The following CPSF7 variants were observed in gnomAD, a reference collection of about 807,000 sequenced individuals.
CPSF7 encodes the protein cleavage and polyadenylation specific factor 7, also known as cleavage and polyadenylation specificity factor subunit 7.
In CPSF7, 1 loss-of-function variant was observed where a neutral mutation model predicts 44.3. The observed-to-expected ratio is 0.02, with a 90% CI of 0.01 to 0.11. CPSF7 has a LOEUF of 0.11. Ranked by LOEUF, CPSF7 falls within the 10% of genes least tolerant of loss-of-function variation. The pLI is 1.00. For missense variants in CPSF7, 443 were observed against 607.2 expected (o/e 0.73, Z 2.84); for synonymous variants, 202 against 222.0 (o/e 0.91, Z 0.80).
intron 9 of CPSF7, 84 bp downstream of exon 9, chr11:61,410,854 T>A: frequency 7.2e-7 from 1 of 1,385,688 alleles, no homozygotes; most frequent in Admixed American, 2.5e-5. Context: ...CATTTACTTT[T>A]GCTTTAAAGA....
chr11:61,429,319 A>T, intron 1 of CPSF7, 29 bp from the exon 2 acceptor site: 1 of 1,322,382 alleles, frequency 7.6e-7, no homozygotes, highest in Middle Eastern at 1.8e-4. Flanking sequence ...TGCAAGAATT[A>T]GAAGGCACGA....
intron 8 of CPSF7, 79 bp downstream of exon 8, chr11:61,411,690 G>C (rs529530239): frequency 7.5e-7 from 1 of 1,329,224 alleles, no homozygotes; most frequent in African/African-American, 1.4e-5. Flanking sequence ...AGATTCCCTG[G>C]GCTCCATTTG....
chr11:61,427,842 AT>A (rs1292941742), intron 2 of CPSF7, among the ~76,000 whole-genome samples: 1 of 152,220 alleles, frequency 6.6e-6, no homozygotes, highest in Non-Finnish European at 1.5e-5. Context: ...TTTCCATGTT[AT>A]AAAACCATAA....
intron 1 of CPSF7, chr11:61,429,623 C>T (rs1232050492): frequency 3.0e-6 from 3 of 992,402 alleles, no homozygotes; most frequent in Non-Finnish European, 4.4e-6. Context: ...AGCCCCTATC[C>T]GCTGCACCTG....
chr11:61,428,997 G>A (rs1287282442), intron 2 of CPSF7, 185 bp downstream of exon 2: 3 of 444,090 alleles, frequency 6.8e-6, no homozygotes, highest in Non-Finnish European at 1.2e-5. Context: ...ATTAAGCCTG[G>A]AGCTTCAAAT....
At chr11:61,412,531 C>T (rs1188482950) in intron 7 of CPSF7, among the ~76,000 whole-genome samples, 3 of 152,158 alleles carry the variant, frequency 2.0e-5, no homozygotes, top group Admixed American at 6.5e-5. Flanking sequence ...CCCTGTGATC[C>T]GCCCGCCTTG....
chr11:61,416,517 T>C lies in CPSF7; in HGVS notation c.526A>G (p.Ile176Val). Reference protein sequence around the residue: ...SQFEAQARKRIPPRAHSRDSS... With the variant: ...SQFEAQARKRVPPRAHSRDSS... ...TCTCGGGAATGGGCCCGTGGAGGTA[T>C]TCCTATGAAGCAAAACAGAACTGAT... The change falls in exon 6 of 10, where the codon ATA becomes GTA. Residue 176 changes from isoleucine (I) to valine (V), a missense_variant and splice_region_variant. By Grantham distance (29) the Ile-to-Val change is conservative. Coordinates refer to ENST00000439958, the MANE Select transcript of CPSF7 (RefSeq NM_001142565.3). 2.5e-6 allele frequency: 4 copies of C among 1,614,040 alleles called. No individual in the cohort carries two copies. Among genetic ancestry groups the C allele is most frequent in the Admixed American group, 1.7e-5 (1 of 60,018 alleles).
intron 2 of CPSF7, among the ~76,000 whole-genome samples, chr11:61,421,823 T>C (rs1047491143): frequency 6.6e-6 from 1 of 152,152 alleles, no homozygotes; most frequent in Non-Finnish European, 1.5e-5. Context: ...ATTCTGTTAA[T>C]AGTCTGTAAA....
At chr11:61,420,859 A>G in intron 3 of CPSF7, 1 of 496,842 alleles carries the variant, frequency 2.0e-6, no homozygotes, top group South Asian at 2.0e-5. Context: ...GACAGCTAGC[A>G]ATTTTTTAAT....
chr11:61,410,249 T>C (rs1243568665), intron 9 of CPSF7, among the ~76,000 whole-genome samples: 1 of 151,880 alleles, frequency 6.6e-6, no homozygotes. Flanking sequence ...CACACTTGGC[T>C]AATTTTTGTA....
At chr11:61,420,646 G>A (rs899577092) in intron 3 of CPSF7, 73 bp from the exon 4 acceptor site, 3 of 1,183,080 alleles carry the variant, frequency 2.5e-6, no homozygotes, top group African/African-American at 3.0e-5. Context: ...CCAAACCCAG[G>A]ATTCTAGTCA....
rs184488286 is a variant in CPSF7 at position 61,424,875 on chromosome 11, T to A, written c.55-3267A>T. Among the ~76,000 whole-genome samples, 460 of 152,316 alleles carry A rather than the reference T, an allele frequency of 3.0e-3. 5 individuals are homozygous for A. Among genetic ancestry groups the A allele is most frequent in the Non-Finnish European group, 4.3e-3 (295 of 68,028 alleles). On this transcript the variant is annotated intron_variant, in intron 2 of 9. Coordinates refer to ENST00000439958, the MANE Select transcript of CPSF7 (RefSeq NM_001142565.3). ...TTCCATGCAGTATCTGTAATTCAGG[T>A]ATATGTGTCTAAAATTTGTAATGTA...
At chr11:61,420,317 G>A (rs962197920) in intron 4 of CPSF7, among the ~76,000 whole-genome samples, 153 bp downstream of exon 4, 1 of 152,154 alleles carries the variant, frequency 6.6e-6, no homozygotes, top group Non-Finnish European at 1.5e-5. Flanking sequence ...CTACTACACT[G>A]CAGCTAGGTC....
chr11:61,421,489 C>T lies in CPSF7; in HGVS notation c.174G>A (p.Glu58=), dbSNP rs1270520962. The part of the protein sequence containing the change: ...STEPPPPVRQ[E]PSPKPNNKTP... Reference sequence around the variant, plus strand: ...TCTTGTTGTTGGGCTTGGGAGATGGCTCCTGGCGAACAGGAGGAGGTGGTT... The same window carrying T: ...TCTTGTTGTTGGGCTTGGGAGATGGTTCCTGGCGAACAGGAGGAGGTGGTT... The change falls in exon 3 of 10, where the codon GAG becomes GAA. Residue 58 remains glutamate (E), a synonymous_variant. Coordinates refer to ENST00000439958, the MANE Select transcript of CPSF7 (RefSeq NM_001142565.3). 1.2e-6 allele frequency: 2 copies of T among 1,614,002 alleles called. No homozygotes were observed. Among genetic ancestry groups the T allele is most frequent in the African/African-American group, 1.3e-5 (1 of 74,906 alleles).
At chr11:61,413,338 T>C (rs1860018069) in intron 7 of CPSF7, among the ~76,000 whole-genome samples, 5 of 152,044 alleles carry the variant, frequency 3.3e-5, no homozygotes, top group Admixed American at 1.3e-4. Flanking sequence ...ATGTATACAT[T>C]AAAAAAATTA....
Position 61,411,763 on chromosome 11 carries a change from A to G in CPSF7, c.1226+6T>C, listed in dbSNP as rs1351253698. The stretch of plus-strand genomic sequence containing the variant: ...CTGGTAGGTGAGGACACAATCACCA[A>G]CTCACCTGGAAGAGCTCCCACTGGC... On this transcript the variant is annotated splice_donor_region_variant and intron_variant, in intron 8 of 9. Transcript: ENST00000439958. 1.2e-6 allele frequency: 2 copies of G among 1,607,436 alleles called. No homozygotes were observed. Among genetic ancestry groups the G allele is most frequent in the Admixed American group, 3.3e-5 (2 of 59,946 alleles).
chr11:61,410,973 G>A lies in CPSF7; in HGVS notation c.1359C>T (p.His453=). ...FQERNREHER[H]RDRERDRHH is the part of the protein sequence containing the mutation. ...GGTGCCGGTCCCGTTCTCTATCCCGGTGTCTCTCATGCTCCCGGTTCCTTT... is the reference window on the plus strand; with the variant it reads ...GGTGCCGGTCCCGTTCTCTATCCCGATGTCTCTCATGCTCCCGGTTCCTTT... The change falls in exon 9 of 10, where the codon CAC becomes CAT. Residue 453 remains histidine, a synonymous_variant. Transcript: ENST00000439958. 1 of 1,613,060 alleles carries A rather than the reference G, an allele frequency of 6.2e-7. No homozygotes were observed. The highest frequency in any genetic ancestry group is 8.5e-7 in the Non-Finnish European group (1 of 1,179,752).
intron 9 of CPSF7, among the ~76,000 whole-genome samples, chr11:61,409,195 C>T (rs994317372): frequency 4.0e-5 from 6 of 151,284 alleles, no homozygotes; most frequent in African/African-American, 7.3e-5. Flanking sequence ...AAAAAACAGC[C>T]GGGTGCGGTG....
At chr11:61,407,255 G>A (rs1169971297) in intron 9 of CPSF7, among the ~76,000 whole-genome samples, 1 of 152,136 alleles carries the variant, frequency 6.6e-6, no homozygotes, top group Non-Finnish European at 1.5e-5. Flanking sequence ...ACTGAATGCA[G>A]CCCCAAAGAC....
Sources: allele counts gnomAD v4.1 joint callset (sites outside exome capture counted in the v4.1 genomes callset), GRCh38; gene constraint gnomAD v4.1.1; transcripts MANE v1.5; gene names NCBI Gene and HGNC (gene_info 2026-07-23, HGNC 2026-07-21).